Variants in KIAA1328 observed in about 807,000 individuals in gnomAD.
KIAA1328 encodes KIAA1328.
In KIAA1328, 52 loss-of-function variants were observed where a neutral mutation model predicts 68.1. The observed-to-expected ratio is 0.76, with a 90% CI of 0.61 to 0.96. The LOEUF (loss-of-function observed/expected upper bound fraction) is 0.96. Ranked by LOEUF, KIAA1328 falls within the 40% of genes least tolerant of loss-of-function variation. KIAA1328 has a pLI of 0.00. For synonymous variants in KIAA1328, 232 were observed against 239.4 expected, an observed-to-expected ratio of 0.97 and a Z score of 0.28; for missense variants, 641 against 677.6, an observed-to-expected ratio of 0.95 and a Z score of 0.60.
intron 6 of KIAA1328, among the ~76,000 whole-genome samples, chr18:37,048,579 A>G (rs1182353520): frequency 1.8e-5 from 2 of 112,786 alleles, no homozygotes; most frequent in Non-Finnish European, 4.1e-5. Context: ...GGAACATTGT[A>G]GAAGGCAATA....
chr18:37,025,527 C>G (rs945647329), intron 6 of KIAA1328, among the ~76,000 whole-genome samples: 2 of 152,216 alleles, frequency 1.3e-5, no homozygotes, highest in African/African-American at 4.8e-5. Flanking sequence ...AACTGTCTCT[C>G]AGACCACAGT....
chr18:37,034,857 A>T (rs937831099), intron 6 of KIAA1328, among the ~76,000 whole-genome samples: 3 of 152,230 alleles, frequency 2.0e-5, no homozygotes, highest in Non-Finnish European at 1.5e-5. Context: ...AATATGAGGT[A>T]ACGTGGTACT....
chr18:37,108,073 G>C (rs1488022222), intron 7 of KIAA1328, among the ~76,000 whole-genome samples: 1 of 152,106 alleles, frequency 6.6e-6, no homozygotes, highest in Non-Finnish European at 1.5e-5. Flanking sequence ...ATATGCACTT[G>C]TACGTTCATT....
At position 37,107,283 on chromosome 18, in the gene KIAA1328, A is replaced by G. The variant is rs149521028; in HGVS notation, c.1232+39738A>G. 8.3e-3 allele frequency among the ~76,000 whole-genome samples: 1,259 copies of G among 152,318 alleles called. 21 individuals are homozygous for G. Among genetic ancestry groups the G allele is most frequent in the African/African-American group, 0.028 (1,182 of 41,568 alleles). On this transcript the variant is annotated intron_variant, in intron 7 of 9. Transcript: ENST00000280020. ...AAAACTGAATTATCTAAGATGGCTT[A>G]TCAGAATCCCTTTCTGTATTCATAA...
intron 9 of KIAA1328, among the ~76,000 whole-genome samples, chr18:37,177,762 G>C (rs1159406296): frequency 6.6e-6 from 1 of 151,928 alleles, no homozygotes; most frequent in African/African-American, 2.4e-5. Flanking sequence ...GACAGGATTT[G>C]GGAAATACTT....
At chr18:37,127,610 C>T (rs902644038) in intron 7 of KIAA1328, among the ~76,000 whole-genome samples, 2 of 152,010 alleles carry the variant, frequency 1.3e-5, no homozygotes, top group Non-Finnish European at 2.9e-5. Flanking sequence ...AGAGCAATGC[C>T]GGGTTCATGA....
chr18:36,952,931 G>A (rs888297232), intron 5 of KIAA1328, among the ~76,000 whole-genome samples: 1 of 150,922 alleles, frequency 6.6e-6, no homozygotes, highest in Non-Finnish European at 1.5e-5. Flanking sequence ...GTAGAGGTAG[G>A]AAGACAAGAA....
At chr18:36,846,051 C>G (rs1208113650) in intron 4 of KIAA1328, among the ~76,000 whole-genome samples, 1 of 151,576 alleles carries the variant, frequency 6.6e-6, no homozygotes, top group African/African-American at 2.4e-5. Flanking sequence ...TTCTTCATTT[C>G]TTAAAATTTG....
intron 4 of KIAA1328, among the ~76,000 whole-genome samples, chr18:36,885,289 T>C (rs1179302998): frequency 2.0e-5 from 3 of 152,186 alleles, no homozygotes; most frequent in African/African-American, 7.2e-5. Flanking sequence ...GGCACCTGCA[T>C]CCTTTGTAGG....
intron 6 of KIAA1328, among the ~76,000 whole-genome samples, chr18:37,003,340 T>G (rs569050544): frequency 3.9e-5 from 6 of 152,108 alleles, no homozygotes; most frequent in African/African-American, 1.4e-4. Context: ...AATGGGCGAA[T>G]AGGACTTAAA....
At chr18:37,050,690 C>G (rs371870900) in intron 6 of KIAA1328, among the ~76,000 whole-genome samples, 1 of 152,150 alleles carries the variant, frequency 6.6e-6, no homozygotes, top group Non-Finnish European at 1.5e-5. Flanking sequence ...TCAGTTGTGT[C>G]TCTTTCAGGT....
intron 6 of KIAA1328, among the ~76,000 whole-genome samples, chr18:37,029,956 A>T (rs147334743): frequency 2.0e-5 from 3 of 152,252 alleles, no homozygotes; most frequent in Admixed American, 2.0e-4. Flanking sequence ...TCTTTCAAGG[A>T]ATTTGTCCAT....
intron 5 of KIAA1328, chr18:36,954,639 A>G (rs911497255): frequency 1.3e-5 from 2 of 148,708 alleles, no homozygotes; most frequent in African/African-American, 5.0e-5. Context: ...AATTTTGACC[A>G]TTTGTTCTAA....
chr18:37,201,548 TTAGTCTTACTATAC>T (rs1189271672), intron 9 of KIAA1328, among the ~76,000 whole-genome samples: 1 of 152,324 alleles, frequency 6.6e-6, no homozygotes, highest in East Asian at 1.9e-4. Context: ...AAAATAAGTT[TTAGTCTTACTATAC>T]CTGGTATGAT....
At chr18:37,113,925 A>G (rs918209119) in intron 7 of KIAA1328, among the ~76,000 whole-genome samples, 2 of 152,198 alleles carry the variant, frequency 1.3e-5, no homozygotes, top group Non-Finnish European at 2.9e-5. Context: ...CCATTACATA[A>G]TGGTAAAGGG....
intron 1 of KIAA1328, among the ~76,000 whole-genome samples, chr18:36,832,078 CTGTT>C (rs1035428661): frequency 6.6e-6 from 1 of 152,022 alleles, no homozygotes; most frequent in African/African-American, 2.4e-5. Flanking sequence ...TATAATGTGT[CTGTT>C]TGACTTCCCC....
intron 6 of KIAA1328, among the ~76,000 whole-genome samples, chr18:37,041,640 T>TTGTGTGTGTGTG (rs56237948): frequency 1.4e-5 from 2 of 146,910 alleles, no homozygotes; most frequent in African/African-American, 5.1e-5. Flanking sequence ...TTTTTTGTGT[T>TTGTGTGTGTGTG]TGTGTGTGTG....
chr18:37,128,039 A>G (rs1599366979), intron 7 of KIAA1328, among the ~76,000 whole-genome samples: 3 of 152,376 alleles, frequency 2.0e-5, no homozygotes, highest in Admixed American at 6.5e-5. Context: ...GACATTATAT[A>G]CAAAAATTAA....
At chr18:36,969,747 A>T (rs891053802) in intron 6 of KIAA1328, among the ~76,000 whole-genome samples, 1 of 152,162 alleles carries the variant, frequency 6.6e-6, no homozygotes, top group African/African-American at 2.4e-5. Context: ...CGATTCTAAC[A>T]AATTGAAAAG....
Sources: gnomAD v4.1 joint callset for allele counts (sites outside exome capture counted in the v4.1 genomes callset) on GRCh38, gnomAD v4.1.1 for gene constraint, MANE v1.5 for transcripts, NCBI Gene and HGNC (gene_info 2026-07-23, HGNC 2026-07-21) for gene names.